Variants in USP46 observed in about 807,000 individuals in gnomAD.
USP46 encodes the protein ubiquitin specific peptidase 46.
USP46 carries 12 observed loss-of-function variants against 44.4 expected under a neutral mutation model. The observed-to-expected ratio is 0.27, with a 90% CI of 0.17 to 0.44. The LOEUF (loss-of-function observed/expected upper bound fraction) is 0.44, where lower values mean the gene tolerates loss of function less well. Ranked by LOEUF, USP46 falls within the 20% of genes least tolerant of loss-of-function variation. The probability of loss-of-function intolerance (pLI) is 1.00; values close to 1 mark genes in which losing one functional copy is unlikely to be tolerated. For synonymous variants in USP46, 155 were observed against 161.5 expected (o/e 0.96, Z 0.31); for missense variants, 248 against 444.8 (o/e 0.56, Z 3.98).
At position 52,597,481 on chromosome 4, in the gene USP46, T is replaced by C. The variant is rs2109588517; in HGVS notation, c.*159A>G. ...AAATAAAACCAAGAGTAGTGCTGCATGTAAAAACACAAAAGGAGAGAGTCT... is the reference window on the plus strand; with the variant it reads ...AAATAAAACCAAGAGTAGTGCTGCACGTAAAAACACAAAAGGAGAGAGTCT... On this transcript the variant is annotated 3_prime_UTR_variant, in exon 9 of 9. Transcript: ENST00000441222. 4 of 609,100 alleles carry C rather than the reference T, an allele frequency of 6.6e-6. No individual in the cohort carries two copies. Among genetic ancestry groups the C allele is most frequent in the East Asian group, 3.0e-5 (1 of 33,434 alleles). The allele number at this position is 609,100 out of a possible 1,614,324, so 37.7% of individuals were successfully genotyped here.
chr4:52,648,108 G>C (rs903527433), intron 1 of USP46, among the ~76,000 whole-genome samples: 1 of 152,230 alleles, frequency 6.6e-6, no homozygotes, highest in Non-Finnish European at 1.5e-5. Context: ...CAAGGGTAGA[G>C]AACATCAAGC....
At chr4:52,625,286 G>A (rs916749490) in intron 4 of USP46, among the ~76,000 whole-genome samples, 14 of 151,952 alleles carry the variant, frequency 9.2e-5, no homozygotes, top group African/African-American at 3.1e-4. Flanking sequence ...AGAAAGTGAG[G>A]ACAGAGAAGA....
At chr4:52,600,012 T>C (rs990438582) in intron 7 of USP46, among the ~76,000 whole-genome samples, 1 of 152,198 alleles carries the variant, frequency 6.6e-6, no homozygotes, top group East Asian at 1.9e-4. Context: ...CACCTGAAGA[T>C]GTATCTCCCA....
At chr4:52,616,303 G>C (rs543035598) in intron 4 of USP46, among the ~76,000 whole-genome samples, 1 of 152,288 alleles carries the variant, frequency 6.6e-6, no homozygotes, top group South Asian at 2.1e-4. Context: ...AATGTCAATA[G>C]TTCTGACACT....
chr4:52,592,530 C>T lies in USP46; in HGVS notation c.*5110G>A, dbSNP rs1320989839. The T allele has an allele frequency of 5.2e-6, 1 of 191,654 alleles. No individual in the cohort carries two copies. The highest frequency in any genetic ancestry group is 1.1e-5 in the Non-Finnish European group (1 of 94,224). 11.9% of individuals were successfully genotyped at this position (191,654 alleles called of 1,614,324 possible). On this transcript the variant is annotated 3_prime_UTR_variant, in exon 9 of 9. Coordinates refer to ENST00000441222, the MANE Select transcript of USP46 (RefSeq NM_022832.4). ...CCTAGTACTGCCTCATGACTGAGTT[C>T]TCACGAGATCTGGTTGTTTAAAAGT...
At chr4:52,630,915 A>T in intron 2 of USP46, 149 bp downstream of exon 2, 1 of 653,008 alleles carries the variant, frequency 1.5e-6, no homozygotes, top group Non-Finnish European at 2.6e-6. Context: ...AAAATAGGTT[A>T]AGTTGCTTTC....
chr4:52,649,890 TA>T (rs1718689949), intron 1 of USP46, among the ~76,000 whole-genome samples: 1 of 152,140 alleles, frequency 6.6e-6, no homozygotes, highest in Non-Finnish European at 1.5e-5. Context: ...CTGTGGCACT[TA>T]AAATACACAC....
At chr4:52,654,770 C>T (rs917197614) in intron 1 of USP46, among the ~76,000 whole-genome samples, 5 of 152,134 alleles carry the variant, frequency 3.3e-5, no homozygotes, top group East Asian at 1.9e-4. Context: ...GTTCTACAGA[C>T]GCTAAAATGC....
chr4:52,650,133 AAAG>A (rs1277931873), intron 1 of USP46, among the ~76,000 whole-genome samples: 1 of 152,234 alleles, frequency 6.6e-6, no homozygotes, highest in Non-Finnish European at 1.5e-5. Flanking sequence ...ACACCTGAGC[AAAG>A]AAGACAGAAG....
At chr4:52,634,871 A>G (rs950791360) in intron 1 of USP46, among the ~76,000 whole-genome samples, 1 of 152,212 alleles carries the variant, frequency 6.6e-6, no homozygotes, top group Non-Finnish European at 1.5e-5. Context: ...ACCCATGTGG[A>G]TGGATGAGCC....
At chr4:52,656,928 T>C (rs1246629577) in intron 1 of USP46, among the ~76,000 whole-genome samples, 1 of 149,156 alleles carries the variant, frequency 6.7e-6, no homozygotes. Flanking sequence ...TAGTCCCAGC[T>C]ACTCAGAAGG....
At chr4:52,599,440 G>A (rs954314361) in intron 7 of USP46, among the ~76,000 whole-genome samples, 1 of 152,142 alleles carries the variant, frequency 6.6e-6, no homozygotes. Context: ...AAGACCAGAG[G>A]GGGCTGAGGG....
At chr4:52,631,440 C>T (rs1577682232) in intron 1 of USP46, among the ~76,000 whole-genome samples, 1 of 152,174 alleles carries the variant, frequency 6.6e-6, no homozygotes, top group African/African-American at 2.4e-5. Flanking sequence ...TCGCCAAGAA[C>T]TTCTGAATAA....
intron 1 of USP46, among the ~76,000 whole-genome samples, chr4:52,655,144 T>C (rs937817323): frequency 3.3e-5 from 5 of 152,232 alleles, no homozygotes; most frequent in Non-Finnish European, 7.3e-5. Context: ...TGTCCTGTTG[T>C]GTTAATCGGT....
At chr4:52,606,671 C>A (rs1325182457) in intron 5 of USP46, among the ~76,000 whole-genome samples, 1 of 152,224 alleles carries the variant, frequency 6.6e-6, no homozygotes, top group Non-Finnish European at 1.5e-5. Flanking sequence ...CCATATCAGG[C>A]AGCAAGTCAC....
At chr4:52,628,714 A>C (rs1248074642) in intron 2 of USP46, among the ~76,000 whole-genome samples, 2 of 152,180 alleles carry the variant, frequency 1.3e-5, no homozygotes, top group African/African-American at 4.8e-5. Context: ...ACATTTCCTC[A>C]CTTAACCCCG....
At chr4:52,612,565 G>A (rs1346860287) in intron 4 of USP46, among the ~76,000 whole-genome samples, 1 of 152,238 alleles carries the variant, frequency 6.6e-6, no homozygotes, top group African/African-American at 2.4e-5. Context: ...CTGCTCTCTT[G>A]CATCACTGTA....
At chr4:52,601,050 G>A (rs1373284737) in intron 7 of USP46, among the ~76,000 whole-genome samples, 4 of 152,174 alleles carry the variant, frequency 2.6e-5, no homozygotes, top group African/African-American at 9.7e-5. Flanking sequence ...TCCTCTGCGT[G>A]GCAATGGTAG....
intron 1 of USP46, among the ~76,000 whole-genome samples, chr4:52,654,991 G>C (rs1030810901): frequency 2.0e-5 from 3 of 152,190 alleles, no homozygotes; most frequent in Admixed American, 1.3e-4. Flanking sequence ...AGCACCATTA[G>C]ATTCATGCTT....
Sources: gnomAD v4.1 joint callset for allele counts (sites outside exome capture counted in the v4.1 genomes callset) on GRCh38, gnomAD v4.1.1 for gene constraint, MANE v1.5 for transcripts, NCBI Gene and HGNC (gene_info 2026-07-23, HGNC 2026-07-21) for gene names.